Variants in RBFOX1 observed in about 807,000 individuals in gnomAD.
The protein encoded by RBFOX1 is RNA binding fox-1 homolog 1.
RBFOX1 carries 8 observed loss-of-function variants against 57.7 expected under a neutral mutation model. That is an observed-to-expected ratio of 0.14 (90% confidence interval 0.08 to 0.25). The LOEUF (loss-of-function observed/expected upper bound fraction) is 0.25. Ranked by LOEUF, RBFOX1 falls within the 10% of genes least tolerant of loss-of-function variation. The pLI is 1.00. For missense variants in RBFOX1, 611 were observed against 548.5 expected (o/e 1.11, Z -1.14); for synonymous variants, 326 against 222.4 (o/e 1.47, Z -4.15).
chr16:7,265,182 A>G (rs570686819), intron 4 of RBFOX1, among the ~76,000 whole-genome samples: 2 of 152,280 alleles, frequency 1.3e-5, no homozygotes, highest in Admixed American at 6.5e-5. Flanking sequence ...TGCCATAGCA[A>G]AGTGCCATAG....
At chr16:6,668,773 G>A (rs2098747574) in intron 3 of RBFOX1, among the ~76,000 whole-genome samples, 1 of 151,382 alleles carries the variant, frequency 6.6e-6, no homozygotes. Context: ...ATTATTTATA[G>A]CTATTATTTT....
intron 4 of RBFOX1, among the ~76,000 whole-genome samples, chr16:7,171,594 G>T (rs1033226415): frequency 6.6e-6 from 1 of 152,154 alleles, no homozygotes; most frequent in African/African-American, 2.4e-5. Context: ...CTCTCTTTAT[G>T]TTCTGAACCG....
At chr16:5,873,783 A>T (rs2057537967) in intron 4 of RBFOX1, among the ~76,000 whole-genome samples, 1 of 152,198 alleles carries the variant, frequency 6.6e-6, no homozygotes, top group African/African-American at 2.4e-5. Context: ...ATCTCGGTTA[A>T]AACATAAATG....
At chr16:5,703,924 C>G (rs548000374) in intron 3 of RBFOX1, among the ~76,000 whole-genome samples, 9 of 152,320 alleles carry the variant, frequency 5.9e-5, no homozygotes, top group South Asian at 2.1e-4. Flanking sequence ...GAAATTTACA[C>G]TAATCATTAT....
intron 2 of RBFOX1, among the ~76,000 whole-genome samples, chr16:6,391,910 C>G (rs1240523277): frequency 2.0e-5 from 3 of 152,154 alleles, no homozygotes; most frequent in Non-Finnish European, 4.4e-5. Context: ...AATGTTTCGG[C>G]AGCGCTGAGG....
At chr16:7,499,151 C>T (rs1285093924) in intron 4 of RBFOX1, among the ~76,000 whole-genome samples, 1 of 152,102 alleles carries the variant, frequency 6.6e-6, no homozygotes, top group Non-Finnish European at 1.5e-5. Flanking sequence ...AAGTCTGAGA[C>T]AAAGGTGTGG....
chr16:5,463,525 C>G (rs919712757), intron 1 of RBFOX1, among the ~76,000 whole-genome samples: 1 of 152,066 alleles, frequency 6.6e-6, no homozygotes, highest in African/African-American at 2.4e-5. Flanking sequence ...GGTGGCCGGG[C>G]GTGGTGGGTC....
intron 3 of RBFOX1, among the ~76,000 whole-genome samples, chr16:6,832,077 G>A (rs1186513566): frequency 1.3e-5 from 2 of 152,156 alleles, no homozygotes; most frequent in Non-Finnish European, 2.9e-5. Flanking sequence ...TCAACCATTT[G>A]TAGACAAAAC....
intron 3 of RBFOX1, among the ~76,000 whole-genome samples, chr16:6,848,042 G>A (rs940519789): frequency 1.6e-4 from 25 of 152,074 alleles, no homozygotes; most frequent in African/African-American, 5.8e-4. Flanking sequence ...ATGTTGGCCA[G>A]GCTGGTCTCC....
chr16:7,570,482 G>T (rs1186461340), intron 5 of RBFOX1, among the ~76,000 whole-genome samples: 1 of 152,170 alleles, frequency 6.6e-6, no homozygotes, highest in African/African-American at 2.4e-5. Flanking sequence ...AACTGGATGA[G>T]TAAGGACTGC....
intron 3 of RBFOX1, among the ~76,000 whole-genome samples, chr16:6,670,859 G>A (rs1367624961): frequency 6.6e-6 from 1 of 152,098 alleles, no homozygotes; most frequent in East Asian, 1.9e-4. Context: ...AATTAGCCGG[G>A]CATGGTGGCG....
chr16:5,682,441 A>G (rs748986512), intron 3 of RBFOX1, among the ~76,000 whole-genome samples: 14 of 152,228 alleles, frequency 9.2e-5, no homozygotes, highest in Non-Finnish European at 1.3e-4. Context: ...GGTGCTAGAG[A>G]TAAGCATCAT....
intron 3 of RBFOX1, among the ~76,000 whole-genome samples, chr16:5,746,966 C>G (rs138678828): frequency 0.034 from 5,144 of 152,228 alleles, 297 homozygotes; most frequent in African/African-American, 0.12. Flanking sequence ...GCCAGAACTT[C>G]CAACACTATG....
chr16:6,224,610 C>A lies in RBFOX1; in HGVS notation c.-126-92385C>A, dbSNP rs531346983. Among the ~76,000 whole-genome samples, 4 of 152,238 alleles carry A rather than the reference C, an allele frequency of 2.6e-5. No individual in the cohort carries two copies. The East Asian group carries it at 7.8e-4, about 30-fold the overall frequency. On this transcript the variant is annotated intron_variant, in intron 1 of 15. Transcript: ENST00000550418. ...AAGTGAACTGATTCACCTGCTAGGTCTGCGTATTTCTGCTTCATATGTACC... is the reference window on the plus strand; with the variant it reads ...AAGTGAACTGATTCACCTGCTAGGTATGCGTATTTCTGCTTCATATGTACC...
At chr16:5,817,671 G>C (rs1335747873) in intron 3 of RBFOX1, among the ~76,000 whole-genome samples, 2 of 151,426 alleles carry the variant, frequency 1.3e-5, no homozygotes, top group Admixed American at 1.3e-4. Context: ...CCGACAGGGT[G>C]CCTGCAGTGA....
chr16:5,870,119 C>G (rs981073328), intron 4 of RBFOX1, among the ~76,000 whole-genome samples: 1 of 149,436 alleles, frequency 6.7e-6, no homozygotes, highest in Admixed American at 6.7e-5. Context: ...ATATACACAC[C>G]TACATTTATA....
intron 4 of RBFOX1, among the ~76,000 whole-genome samples, chr16:7,057,818 G>A (rs2052854679): frequency 6.6e-6 from 1 of 152,038 alleles, no homozygotes. Context: ...GACTAGCCTA[G>A]CCAACATGGT....
intron 3 of RBFOX1, among the ~76,000 whole-genome samples, chr16:6,750,876 A>G (rs1230673275): frequency 1.3e-5 from 2 of 152,194 alleles, no homozygotes; most frequent in Non-Finnish European, 2.9e-5. Flanking sequence ...ATAGTGAGTG[A>G]TGGTAGAAGA....
At chr16:7,240,533 G>T (rs770508943) in intron 4 of RBFOX1, among the ~76,000 whole-genome samples, 2 of 151,960 alleles carry the variant, frequency 1.3e-5, no homozygotes, top group Non-Finnish European at 2.9e-5. Flanking sequence ...GGTTTTCGTG[G>T]TGTTTTTTGT....
Sources: allele counts gnomAD v4.1 joint callset (sites outside exome capture counted in the v4.1 genomes callset), GRCh38; gene constraint gnomAD v4.1.1; transcripts MANE v1.5; gene names NCBI Gene and HGNC (gene_info 2026-07-23, HGNC 2026-07-21).